Variants in NEB observed in about 807,000 individuals in gnomAD.
The protein encoded by NEB is nebulin.
NEB carries 512 observed loss-of-function variants against 952.2 expected under a neutral mutation model. That is an observed-to-expected ratio of 0.54 (90% confidence interval 0.50 to 0.58). NEB has a LOEUF of 0.58. Ranked by LOEUF, NEB falls within the 20% of genes least tolerant of loss-of-function variation. The pLI is 0.00. For missense variants in NEB, 8,428 were observed against 9,231.1 expected (o/e 0.91, Z 3.56); for synonymous variants, 2,900 against 3,149.8 (o/e 0.92, Z 2.66).
At chr2:151,659,028 T>C in intron 47 of NEB, 37 bp downstream of exon 47, 5 of 1,373,872 alleles carry the variant, frequency 3.6e-6, no homozygotes, top group Non-Finnish European at 5.2e-6. Context: ...TCAAATCTGC[T>C]GGAGAGAAAG....
chr2:151,614,690 C>T (rs1579389477), intron 76 of NEB, 103 bp from the exon 77 acceptor site: 1 of 1,316,880 alleles, frequency 7.6e-7, no homozygotes, highest in East Asian at 2.4e-5. Context: ...CCAACACTAT[C>T]ATGAAGGAGA....
chr2:151,501,668 T>TGTCTC, intron 167 of NEB, among the ~76,000 whole-genome samples, 185 bp from the exon 168 acceptor site: 1 of 152,362 alleles, frequency 6.6e-6, no homozygotes, highest in South Asian at 2.1e-4. Context: ...ACAGGATGTC[T>TGTCTC]GTCTCTAAAA....
chr2:151,548,177 A>C (rs1365342729), intron 131 of NEB, 131 bp downstream of exon 131: 2 of 760,302 alleles, frequency 2.6e-6, no homozygotes, highest in Non-Finnish European at 4.4e-6. Flanking sequence ...AAATGTGACA[A>C]TAAGGACCTT....
intron 142 of NEB, among the ~76,000 whole-genome samples, chr2:151,533,935 T>C (rs147664385): frequency 2.5e-3 from 385 of 152,358 alleles, no homozygotes; most frequent in African/African-American, 8.6e-3. Flanking sequence ...ATCTGCAGTT[T>C]ACAGTTGCAG....
chr2:151,687,517 C>A lies in NEB; in HGVS notation c.2539G>T (p.Asp847Tyr), dbSNP rs2099511937. The A allele has an allele frequency of 6.2e-7, 1 of 1,613,706 alleles. No homozygotes were observed. The highest frequency in any genetic ancestry group is 1.3e-5 in the African/African-American group (1 of 74,910). Reference protein sequence around the residue: ...KNTSDVMYKKDYEKSKGKMIG... With the variant: ...KNTSDVMYKKYYEKSKGKMIG... ...ATTTTCCCTTTGCTCTTTTCATAGT[C>A]TTTCTTGTACATCACCTGCAAAGAC... Residue 847 changes from aspartate to tyrosine, a missense_variant, in exon 27 of 182, where the codon GAC (aspartate) becomes TAC (tyrosine). By Grantham distance (160) the Asp-to-Tyr change is radical (BLOSUM62 -3). Coordinates refer to ENST00000397345, the MANE Select transcript of NEB (RefSeq NM_001164508.2).
Position 151,492,502 on chromosome 2 carries a change from AG to A in NEB, c.24766-9del, listed in dbSNP as rs2057370864. 1 of 1,593,174 alleles carries A rather than the reference AG, an allele frequency of 6.3e-7. No individual in the cohort carries two copies. The highest frequency in any genetic ancestry group is 1.3e-5 in the African/African-American group (1 of 74,380). ...ACTATCAGAATAAAGAACCTGATGC[AG>A]GAGAGACCGTGAATGAGTGGTGCTG... is the stretch of plus-strand genomic sequence containing the variant. On this transcript the variant is annotated splice_polypyrimidine_tract_variant and intron_variant, in intron 176 of 181. Transcript: ENST00000397345.
chr2:151,650,829 A>T lies in NEB; in HGVS notation c.6972T>A (p.Ser2324Arg), dbSNP rs765963878. 6.2e-7 allele frequency: 1 copy of T among 1,613,092 alleles called. No homozygotes were observed. The highest frequency in any genetic ancestry group is 8.5e-7 in the Non-Finnish European group (1 of 1,179,504). The change falls in exon 53 of 182, where the codon AGT becomes AGA. Residue 2324 changes from serine (S) to arginine (R), a missense_variant. Physicochemically the swap from Ser to Arg is moderately radical, Grantham distance 110. Around this residue, in one of 11 missense-constraint regions of NEB, gnomAD observed 1,772 missense variants for 1,960.3 expected, o/e 0.90. Coordinates refer to ENST00000397345, the MANE Select transcript of NEB (RefSeq NM_001164508.2). ...ACACAAGTTTTGGGTCATCTTGCAG[A>T]CTCCGGAATCCAACATGGTGGCCAA... is the stretch of plus-strand genomic sequence containing the variant. ...KQLGHHVGFR[S>R]LQDDPKLVLS... is the part of the protein sequence containing the mutation.
intron 78 of NEB, among the ~76,000 whole-genome samples, chr2:151,611,175 G>C (rs562873882): frequency 3.3e-5 from 5 of 152,222 alleles, no homozygotes; most frequent in East Asian, 1.9e-4. Context: ...CTCAGTTATG[G>C]AACTATGAGA....
intron 161 of NEB, among the ~76,000 whole-genome samples, chr2:151,509,273 G>GT (rs955420761): frequency 6.6e-6 from 1 of 152,272 alleles, no homozygotes; most frequent in African/African-American, 2.4e-5. Context: ...ATGAACAAAT[G>GT]TTTTGTTCAT....
intron 161 of NEB, among the ~76,000 whole-genome samples, chr2:151,509,793 A>G (rs1474567091): frequency 6.6e-6 from 1 of 152,144 alleles, no homozygotes; most frequent in Non-Finnish European, 1.5e-5. Context: ...ACAACCAGCT[A>G]ATGATGGGGT....
intron 36 of NEB, among the ~76,000 whole-genome samples, chr2:151,673,739 T>C (rs1057098252): frequency 1.4e-5 from 2 of 146,506 alleles, no homozygotes; most frequent in East Asian, 1.9e-4. Flanking sequence ...TTTCTTTTTT[T>C]TTTTTTTTTT....
At chr2:151,561,369 G>A in intron 121 of NEB, 57 bp from the exon 122 acceptor site, 2 of 1,216,074 alleles carry the variant, frequency 1.6e-6, no homozygotes, top group Non-Finnish European at 2.3e-6. Context: ...GTCATCAGCT[G>A]TAGCTGCTTG....
At chr2:151,490,860 T>C (rs2055911955) in intron 179 of NEB, among the ~76,000 whole-genome samples, 1 of 152,212 alleles carries the variant, frequency 6.6e-6, no homozygotes, top group Non-Finnish European at 1.5e-5. Flanking sequence ...CATCTTTAAC[T>C]TCTCCAGAAA....
Position 151,497,631 on chromosome 2 carries a change from T to C in NEB, c.24295A>G (p.Ser8099Gly). 1.3e-6 allele frequency: 2 copies of C among 1,573,472 alleles called. No homozygotes were observed. Among genetic ancestry groups the C allele is most frequent in the Non-Finnish European group, 1.7e-6 (2 of 1,156,866 alleles). Residue 8099 changes from serine (S) to glycine (G), a missense_variant, in exon 171 of 182, where the codon AGC becomes GGC. Coordinates refer to ENST00000397345, the MANE Select transcript of NEB (RefSeq NM_001164508.2). ...ERVKHNQENI[S>G]SVLYKENMGK... ...TTCTTTTCTTGCCAAAGTACCGAGC[T>C]AATATTTTCTTGATTGTGTTTGACT... is the stretch of plus-strand genomic sequence containing the variant.
chr2:151,664,686 A>G, intron 43 of NEB, 73 bp downstream of exon 43: 1 of 1,525,430 alleles, frequency 6.6e-7, no homozygotes. Context: ...AGTGGTTGGT[A>G]TGTAGAATGC....
At chr2:151,493,614 A>T (rs778942184) in intron 175 of NEB, among the ~76,000 whole-genome samples, 161 bp downstream of exon 175, 2 of 152,198 alleles carry the variant, frequency 1.3e-5, no homozygotes, top group Non-Finnish European at 2.9e-5. Context: ...AAGTAAAATC[A>T]CTGTGACCTC....
At position 151,506,149 on chromosome 2, in the gene NEB, A is replaced by C; in HGVS notation, c.23649+17T>G. 4 of 1,584,572 alleles carry C rather than the reference A, an allele frequency of 2.5e-6. No homozygotes were observed. In the South Asian group the frequency reaches 4.4e-5, roughly 18 times the overall value. On this transcript the variant is annotated intron_variant, in intron 164 of 181. Transcript: ENST00000397345. ...GGGAGGCAGAAAATATTGCAAGTGCATTCACTGTGTCTTTACCGAGCTAAT... is the reference window on the plus strand; with the variant it reads ...GGGAGGCAGAAAATATTGCAAGTGCCTTCACTGTGTCTTTACCGAGCTAAT...
intron 55 of NEB, among the ~76,000 whole-genome samples, chr2:151,645,732 C>A (rs1173525019): frequency 1.3e-5 from 2 of 152,244 alleles, no homozygotes; most frequent in East Asian, 3.9e-4. Flanking sequence ...ATGAGATTCT[C>A]CTGCGTGGGT....
intron 165 of NEB, among the ~76,000 whole-genome samples, chr2:151,503,712 C>A (rs2066543738): frequency 6.6e-6 from 1 of 152,050 alleles, no homozygotes; most frequent in African/African-American, 2.4e-5. Flanking sequence ...ATAAATTTAC[C>A]AATGAGAAAA....
Sources: allele counts gnomAD v4.1 joint callset (sites outside exome capture counted in the v4.1 genomes callset), GRCh38; gene constraint gnomAD v4.1.1; regional missense constraint gnomAD v4.1.1; transcripts MANE v1.5; gene names NCBI Gene and HGNC (gene_info 2026-07-23, HGNC 2026-07-21).